Variants in MAGI1 observed in about 807,000 individuals in gnomAD.
The protein encoded by MAGI1 is membrane associated guanylate kinase, WW and PDZ domain containing 1.
Under a neutral mutation model 139.9 loss-of-function variants are expected in MAGI1, and 58 were observed. The ratio of observed to expected loss-of-function variants is 0.41; its 90% CI spans 0.34 to 0.52. The LOEUF is 0.52. Among genes scored for constraint, MAGI1 ranks in the 20% least tolerant of loss-of-function variants. The pLI, the probability that MAGI1 is intolerant of heterozygous loss-of-function variation, is 0.12. For synonymous variants in MAGI1, 812 were observed against 737.9 expected (o/e 1.10, Z -1.63); for missense variants, 1,874 against 1,901.6 (o/e 0.99, Z 0.27).
At chr3:65,543,799 G>A in intron 2 of MAGI1, among the ~76,000 whole-genome samples, 2 of 150,502 alleles carry the variant, frequency 1.3e-5, no homozygotes, top group African/African-American at 5.0e-5. Flanking sequence ...AATACCTAAT[G>A]TAGATGATGG....
chr3:65,496,425 G>A (rs577002941), intron 2 of MAGI1, among the ~76,000 whole-genome samples: 1 of 152,228 alleles, frequency 6.6e-6, no homozygotes, highest in East Asian at 1.9e-4. Context: ...AATAGAAGCA[G>A]GGGGACCAGT....
At chr3:65,790,442 T>C (rs2108063603) in intron 1 of MAGI1, among the ~76,000 whole-genome samples, 1 of 152,250 alleles carries the variant, frequency 6.6e-6, no homozygotes, top group Non-Finnish European at 1.5e-5. Context: ...ACTCCACAAG[T>C]TTTTAATCCA....
At chr3:65,818,069 T>TGTG (rs201796682) in intron 1 of MAGI1, among the ~76,000 whole-genome samples, 1 of 149,962 alleles carries the variant, frequency 6.7e-6, no homozygotes, top group Admixed American at 6.6e-5. Flanking sequence ...TGTGTGTGTG[T>TGTG]CTCTCTCTTT....
Position 65,815,976 on chromosome 3 carries a change from A to G in MAGI1, c.314-193888T>C, listed in dbSNP as rs191820945. ...GAGGACAAAGGAAAAGAAAGGTACT[A>G]AGTTCAGGAGACACTGATTTGTATA... On this transcript the variant is annotated intron_variant, in intron 1 of 22. Coordinates refer to ENST00000402939, the MANE Select transcript of MAGI1 (RefSeq NM_001033057.2). Among the ~76,000 whole-genome samples, 23 of 152,362 alleles carry G rather than the reference A, an allele frequency of 1.5e-4. No homozygotes were observed. The East Asian group carries it at 4.4e-3, about 29-fold the overall frequency.
At chr3:65,884,620 G>A (rs1381343228) in intron 1 of MAGI1, among the ~76,000 whole-genome samples, 1 of 151,868 alleles carries the variant, frequency 6.6e-6, no homozygotes, top group African/African-American at 2.4e-5. Context: ...TAAGATTCAG[G>A]GGGTACATGT....
chr3:65,421,331 A>AT (rs760295078), intron 12 of MAGI1, among the ~76,000 whole-genome samples: 1 of 152,186 alleles, frequency 6.6e-6, no homozygotes, highest in Non-Finnish European at 1.5e-5. Context: ...AAAATTTGCT[A>AT]ATTTTAACTT....
intron 2 of MAGI1, among the ~76,000 whole-genome samples, chr3:65,605,713 G>A (rs537754511): frequency 6.6e-6 from 1 of 152,298 alleles, no homozygotes; most frequent in African/African-American, 2.4e-5. Context: ...CTATTTAAGT[G>A]TGCCCATCAG....
chr3:65,864,465 T>C (rs536816961), intron 1 of MAGI1, among the ~76,000 whole-genome samples: 1 of 152,302 alleles, frequency 6.6e-6, no homozygotes, highest in East Asian at 1.9e-4. Context: ...ACTACAAAAA[T>C]GGCAGCTGTG....
chr3:65,649,899 G>T (rs1458835532), intron 1 of MAGI1, among the ~76,000 whole-genome samples: 1 of 152,192 alleles, frequency 6.6e-6, no homozygotes, highest in African/African-American at 2.4e-5. Flanking sequence ...TACGCTGCCT[G>T]TGGGGATGTT....
chr3:65,386,230 A>T (rs907512405), intron 14 of MAGI1, among the ~76,000 whole-genome samples: 1 of 135,944 alleles, frequency 7.4e-6, no homozygotes, highest in South Asian at 2.6e-4. Context: ...GGCTTATCAC[A>T]CCGTTTAGGC....
chr3:65,664,529 T>C (rs2107414594), intron 1 of MAGI1, among the ~76,000 whole-genome samples: 1 of 152,328 alleles, frequency 6.6e-6, no homozygotes, highest in East Asian at 1.9e-4. Context: ...GGGGAGGAAT[T>C]TGAACTCGAC....
chr3:65,698,573 A>C (rs2089373739), intron 1 of MAGI1, among the ~76,000 whole-genome samples: 1 of 152,112 alleles, frequency 6.6e-6, no homozygotes, highest in Admixed American at 6.5e-5. Context: ...ATAACGCTGC[A>C]TATCTACAAC....
intron 1 of MAGI1, among the ~76,000 whole-genome samples, chr3:65,660,838 T>C (rs1178500255): frequency 6.6e-6 from 1 of 152,186 alleles, no homozygotes; most frequent in Non-Finnish European, 1.5e-5. Flanking sequence ...TACAATACTT[T>C]GGACCCATAT....
At chr3:65,696,643 C>G (rs983724786) in intron 1 of MAGI1, among the ~76,000 whole-genome samples, 2 of 151,860 alleles carry the variant, frequency 1.3e-5, no homozygotes, top group Non-Finnish European at 2.9e-5. Context: ...CTGCTAGATA[C>G]CAAAAACAGA....
At chr3:65,655,323 G>A (rs966748148) in intron 1 of MAGI1, among the ~76,000 whole-genome samples, 7 of 152,096 alleles carry the variant, frequency 4.6e-5, no homozygotes, top group African/African-American at 1.7e-4. Context: ...ATAAAGCAAT[G>A]CACTAATTAA....
intron 1 of MAGI1, among the ~76,000 whole-genome samples, chr3:65,927,827 G>A (rs1232073211): frequency 6.6e-6 from 1 of 152,138 alleles, no homozygotes; most frequent in Non-Finnish European, 1.5e-5. Context: ...TGAATCAAGG[G>A]AAGGGAGATC....
intron 1 of MAGI1, among the ~76,000 whole-genome samples, chr3:65,762,401 G>A (rs1318337430): frequency 2.0e-5 from 3 of 151,772 alleles, no homozygotes; most frequent in South Asian, 2.1e-4. Flanking sequence ...CCTCTCCTAC[G>A]AATCTCATTA....
At chr3:65,495,433 T>C (rs961569116) in intron 2 of MAGI1, among the ~76,000 whole-genome samples, 2 of 152,198 alleles carry the variant, frequency 1.3e-5, no homozygotes, top group African/African-American at 4.8e-5. Context: ...TATATACATA[T>C]AAATATATCT....
At chr3:65,752,665 C>T (rs1473766287) in intron 1 of MAGI1, among the ~76,000 whole-genome samples, 1 of 152,166 alleles carries the variant, frequency 6.6e-6, no homozygotes, top group Non-Finnish European at 1.5e-5. Flanking sequence ...CTTGATCAAA[C>T]TTTAGTCTGG....
Sources: gnomAD v4.1 joint callset for allele counts (sites outside exome capture counted in the v4.1 genomes callset) on GRCh38, gnomAD v4.1.1 for gene constraint, MANE v1.5 for transcripts, NCBI Gene and HGNC (gene_info 2026-07-23, HGNC 2026-07-21) for gene names.